The following ADORA2B variants were observed in gnomAD, a reference collection of about 807,000 sequenced individuals.
ADORA2B encodes the protein adenosine receptor A2b.
A neutral mutation model predicts 20.8 loss-of-function variants in ADORA2B; 18 were observed. The ratio of observed to expected loss-of-function variants is 0.87; its 90% CI spans 0.60 to 1.29. ADORA2B has a LOEUF of 1.29. Ranked by LOEUF, ADORA2B falls within the 50% of genes most tolerant of loss-of-function variation. ADORA2B has a pLI of 0.00. For missense variants in ADORA2B, 441 were observed against 422.7 expected (o/e 1.04, Z -0.38); for synonymous variants, 179 against 178.3 (o/e 1.00, Z -0.03).
chr17:15,961,777 G>A (rs997821243), intron 1 of ADORA2B, among the ~76,000 whole-genome samples: 7 of 152,230 alleles, frequency 4.6e-5, no homozygotes, highest in South Asian at 2.1e-4. Context: ...AGCAAGAGAG[G>A]GCTGCACTTG....
chr17:15,857,241 A>G, the ADORA2B span, among the ~76,000 whole-genome samples: 1 of 152,216 alleles, frequency 6.6e-6, no homozygotes, highest in East Asian at 1.9e-4. Context: ...ACTGAGGTTT[A>G]GGAACCTCTG....
the ADORA2B span, among the ~76,000 whole-genome samples, chr17:15,917,926 C>A: frequency 6.6e-6 from 1 of 152,230 alleles, no homozygotes. Context: ...TGCCGCTGTC[C>A]CTCCCTCCCT....
At chr17:15,963,783 T>C (rs995627434) in intron 1 of ADORA2B, among the ~76,000 whole-genome samples, 4 of 152,242 alleles carry the variant, frequency 2.6e-5, no homozygotes, top group Admixed American at 2.0e-4. Flanking sequence ...AGGAAGCTGG[T>C]TGGGAGTGCT....
At chr17:15,875,734 C>T in the ADORA2B span, among the ~76,000 whole-genome samples, 2 of 152,182 alleles carry the variant, frequency 1.3e-5, no homozygotes, top group Non-Finnish European at 2.9e-5. Context: ...AGGCACATGC[C>T]ACCACACCCA....
At chr17:15,886,847 C>T in the ADORA2B span, among the ~76,000 whole-genome samples, 12 of 129,608 alleles carry the variant, frequency 9.3e-5, 3 homozygotes, top group Non-Finnish European at 1.5e-4. Flanking sequence ...ACAGAAGAAC[C>T]AGAGGCCCCT....
At chr17:15,864,012 A>C in the ADORA2B span, 1 of 197,616 alleles carries the variant, frequency 5.1e-6, no homozygotes, top group Admixed American at 4.8e-5. Flanking sequence ...GAGGATTCTA[A>C]ACATTAGCAT....
At chr17:15,904,768 G>A in the ADORA2B span, among the ~76,000 whole-genome samples, 16 of 151,900 alleles carry the variant, frequency 1.1e-4, no homozygotes, top group South Asian at 3.3e-3. Context: ...GGTTTTTTTT[G>A]TTGTTGCATA....
chr17:15,917,261 G>A, the ADORA2B span, among the ~76,000 whole-genome samples: 1 of 152,236 alleles, frequency 6.6e-6, no homozygotes, highest in Non-Finnish European at 1.5e-5. Context: ...ATCTGATTGT[G>A]CCACTGCATT....
intron 1 of ADORA2B, among the ~76,000 whole-genome samples, chr17:15,961,716 C>T (rs1387337710): frequency 1.3e-5 from 2 of 152,222 alleles, no homozygotes; most frequent in East Asian, 1.9e-4. Context: ...CTTCTGGCTG[C>T]ATCATCCCAT....
the ADORA2B span, among the ~76,000 whole-genome samples, chr17:15,933,885 A>G: frequency 2.0e-5 from 3 of 152,238 alleles, no homozygotes; most frequent in Non-Finnish European, 2.9e-5. Flanking sequence ...AGAACCCCCA[A>G]TACAATTCTG....
intron 1 of ADORA2B, among the ~76,000 whole-genome samples, chr17:15,951,895 C>T (rs1969908065): frequency 1.3e-5 from 2 of 152,188 alleles, no homozygotes; most frequent in East Asian, 1.9e-4. Context: ...GCCCTGAGAC[C>T]GGAGCCTGGA....
At chr17:15,850,956 T>A in the ADORA2B span, among the ~76,000 whole-genome samples, 1 of 152,228 alleles carries the variant, frequency 6.6e-6, no homozygotes, top group Non-Finnish European at 1.5e-5. Flanking sequence ...TGATAGAAGC[T>A]CAACAAATAT....
chr17:15,887,316 G>T, the ADORA2B span, among the ~76,000 whole-genome samples: 1 of 131,064 alleles, frequency 7.6e-6, no homozygotes, highest in East Asian at 2.0e-4. Context: ...AGTGCAGATA[G>T]TGAGAGGAAC....
At chr17:15,873,963 C>G in the ADORA2B span, among the ~76,000 whole-genome samples, 1 of 151,840 alleles carries the variant, frequency 6.6e-6, no homozygotes. Context: ...AGCACATTCA[C>G]AGTTGCAAAG....
the ADORA2B span, among the ~76,000 whole-genome samples, chr17:15,909,692 A>G: frequency 6.6e-6 from 1 of 152,220 alleles, no homozygotes; most frequent in Non-Finnish European, 1.5e-5. Context: ...AGGGTTCAGC[A>G]GGCTGAGGGT....
At chr17:15,930,989 G>A in the ADORA2B span, among the ~76,000 whole-genome samples, 3 of 152,152 alleles carry the variant, frequency 2.0e-5, no homozygotes, top group South Asian at 2.1e-4. Context: ...GAACGAAGGC[G>A]GATGCACCTT....
chr17:15,944,638 G>A (rs149176241), upstream of ADORA2B, among the ~76,000 whole-genome samples: 371 of 152,188 alleles, frequency 2.4e-3, no homozygotes, highest in Middle Eastern at 0.014. The surrounding 1 kb of genome is among the most constrained non-coding windows in gnomAD (Gnocchi z 4.8). Flanking sequence ...CGGTGGTGCT[G>A]CGCTGCCCGA....
the ADORA2B span, among the ~76,000 whole-genome samples, chr17:15,870,153 C>G: frequency 3.4e-5 from 5 of 148,356 alleles, no homozygotes; most frequent in African/African-American, 1.3e-4. Flanking sequence ...AGAAATTTTT[C>G]AGTTAGATGA....
chr17:15,917,932 T>TC, the ADORA2B span, among the ~76,000 whole-genome samples: 1 of 152,178 alleles, frequency 6.6e-6, no homozygotes, highest in Non-Finnish European at 1.5e-5. Flanking sequence ...TGTCCCTCCC[T>TC]CCCTCTCGAG....
Sources: allele counts gnomAD v4.1 joint callset (sites outside exome capture counted in the v4.1 genomes callset), GRCh38; gene constraint gnomAD v4.1.1; non-coding constraint Gnocchi (gnomAD v3.1); transcripts MANE v1.5; gene names NCBI Gene and HGNC (gene_info 2026-07-23, HGNC 2026-07-21).